ANO1: variants seen among roughly 807,000 people sequenced by gnomAD.
ANO1 encodes anoctamin 1.
A neutral mutation model predicts 124.0 loss-of-function variants in ANO1; 59 were observed. That is an observed-to-expected ratio of 0.48 (90% CI 0.39 to 0.59). ANO1 has a LOEUF of 0.59. ANO1 is among the 20% of genes least tolerant of loss of function. The pLI, the probability that ANO1 is intolerant of heterozygous loss-of-function variation, is 0.00. For missense variants in ANO1, 1,059 were observed against 1,328.0 expected (o/e 0.80, Z 3.15); for synonymous variants, 529 against 532.0 (o/e 0.99, Z 0.08).
At chr11:69,975,429 C>A in the ANO1 span, among the ~76,000 whole-genome samples, 3 of 152,222 alleles carry the variant, frequency 2.0e-5, no homozygotes. Context: ...CACAGGCTCT[C>A]ACTGTCTTTG....
At chr11:69,972,969 A>G in the ANO1 span, among the ~76,000 whole-genome samples, 1 of 147,074 alleles carries the variant, frequency 6.8e-6, no homozygotes, top group African/African-American at 2.5e-5. Flanking sequence ...GAGTGCAATG[A>G]CAAGATCTCA....
the ANO1 span, among the ~76,000 whole-genome samples, chr11:69,976,536 AAAAAAAAAAAAAAAAAAAGAG>A: frequency 7.7e-4 from 62 of 80,962 alleles, 1 homozygote; most frequent in African/African-American, 2.4e-3. Flanking sequence ...AAAAAAAAAA[AAAAAAAAAAAAAAAAAAAGAG>A]AGAGAGAGAG....
chr11:69,993,174 T>A (rs1856188925), intron 1 of ANO1, among the ~76,000 whole-genome samples: 1 of 152,210 alleles, frequency 6.6e-6, no homozygotes, highest in Non-Finnish European at 1.5e-5. Flanking sequence ...TGTCTTCAGC[T>A]GCACCCTTGT....
chr11:70,090,892 A>G, intron 2 of ANO1, among the ~76,000 whole-genome samples: 1 of 152,192 alleles, frequency 6.6e-6, no homozygotes, highest in East Asian at 1.9e-4. Flanking sequence ...TCAAGTTTTC[A>G]AAGGGCTGAA....
chr11:70,028,294 C>T (rs984078880), intron 1 of ANO1, among the ~76,000 whole-genome samples: 10 of 152,290 alleles, frequency 6.6e-5, no homozygotes, highest in South Asian at 4.1e-4. Context: ...CTCCACCAGG[C>T]GCCTTTCTCT....
chr11:70,177,502 C>T (rs1160800930), intron 22 of ANO1, among the ~76,000 whole-genome samples: 1 of 152,184 alleles, frequency 6.6e-6, no homozygotes. Flanking sequence ...AGGGGGCGCC[C>T]CCGGGCACCA....
chr11:70,088,526 A>AGAAG (rs61498662), intron 2 of ANO1, among the ~76,000 whole-genome samples: 1,538 of 92,826 alleles, frequency 0.017, 22 homozygotes, highest in African/African-American at 0.038. Flanking sequence ...AAAAAAAAAA[A>AGAAG]AAGAAGAAGA....
the ANO1 span, among the ~76,000 whole-genome samples, chr11:69,976,422 G>A: frequency 6.6e-6 from 1 of 150,888 alleles, no homozygotes; most frequent in African/African-American, 2.5e-5. Flanking sequence ...CAGGAGAATG[G>A]CGTGAACCCG....
intron 20 of ANO1, among the ~76,000 whole-genome samples, chr11:70,166,884 G>A (rs1173396665): frequency 6.6e-6 from 1 of 152,204 alleles, no homozygotes; most frequent in East Asian, 1.9e-4. Flanking sequence ...GGTGGCTCAT[G>A]CCTATAATCC....
At chr11:70,013,155 G>T (rs541639401) in intron 1 of ANO1, among the ~76,000 whole-genome samples, 1 of 152,224 alleles carries the variant, frequency 6.6e-6, no homozygotes, top group Admixed American at 6.5e-5. Flanking sequence ...GAGAAAGTGT[G>T]TTAGGCAGAG....
intron 8 of ANO1, among the ~76,000 whole-genome samples, chr11:70,121,548 C>T (rs117796727): frequency 0.055 from 6,705 of 122,972 alleles, 630 homozygotes; most frequent in South Asian, 0.21. Flanking sequence ...TGTCTCTCTC[C>T]ACCTTCCCAC....
chr11:70,082,178 C>T (rs1204578728), intron 1 of ANO1, among the ~76,000 whole-genome samples: 1 of 152,200 alleles, frequency 6.6e-6, no homozygotes, highest in Non-Finnish European at 1.5e-5. Flanking sequence ...CCACAGTATA[C>T]AAGACCCAGC....
At chr11:70,016,169 AG>A (rs1291895803) in intron 1 of ANO1, among the ~76,000 whole-genome samples, 1 of 152,006 alleles carries the variant, frequency 6.6e-6, no homozygotes, top group Non-Finnish European at 1.5e-5. Context: ...CTGGGACTAC[AG>A]GTGCACGCCA....
intron 23 of ANO1, among the ~76,000 whole-genome samples, chr11:70,180,934 A>G (rs1373527667): frequency 6.6e-6 from 1 of 151,934 alleles, no homozygotes; most frequent in Non-Finnish European, 1.5e-5. Flanking sequence ...CCTCCCCAGC[A>G]TGGCAGCCCC....
the ANO1 span, among the ~76,000 whole-genome samples, chr11:69,972,912 C>CTTTTT: frequency 4.2e-5 from 6 of 144,370 alleles, no homozygotes; most frequent in Non-Finnish European, 4.5e-5. Flanking sequence ...TTTTCTTTTT[C>CTTTTT]TTTCTTTTTT....
In ANO1 at chr11:70,072,125, C is replaced by T. The variant is rs1186394362; in HGVS notation, c.59-6417C>T. On this transcript the variant is annotated intron_variant, in intron 1 of 27. Transcript: ENST00000531349. ...TGCATCAGGAGGACGAGGTCTTCGG[C>T]GCCAAACCCAGAGGGCCTTGAAGGT... Among the ~76,000 whole-genome samples, 5 of 152,142 alleles carry T rather than the reference C, an allele frequency of 3.3e-5. No homozygotes were observed. In the South Asian group the frequency reaches 6.2e-4, roughly 19 times the overall value.
chr11:69,982,862 CAG>C (rs1389403699), upstream of ANO1, among the ~76,000 whole-genome samples: 1 of 152,204 alleles, frequency 6.6e-6, no homozygotes, highest in Non-Finnish European at 1.5e-5. Context: ...GAACTGAAAA[CAG>C]ACTTCCTGAG....
At chr11:70,186,352 G>GAGGGAGGGAGGAAGGAAGGA (rs1482653844) in intron 25 of ANO1, among the ~76,000 whole-genome samples, 3 of 126,822 alleles carry the variant, frequency 2.4e-5, no homozygotes, top group Admixed American at 8.1e-5. Context: ...GAGGGGGAGG[G>GAGGGAGGGAGGAAGGAAGGA]AGGAAGGAAG....
intron 11 of ANO1, among the ~76,000 whole-genome samples, chr11:70,149,319 C>T (rs1037363384): frequency 1.3e-5 from 2 of 152,130 alleles, no homozygotes; most frequent in Non-Finnish European, 2.9e-5. Flanking sequence ...AGTTCTCAGC[C>T]CAGGATGTCA....
Sources: allele counts gnomAD v4.1 joint callset (sites outside exome capture counted in the v4.1 genomes callset), GRCh38; gene constraint gnomAD v4.1.1; transcripts MANE v1.5; gene names NCBI Gene and HGNC (gene_info 2026-07-23, HGNC 2026-07-21).